SCARA5: variants seen among roughly 807,000 people sequenced by gnomAD.
SCARA5 encodes the protein scavenger receptor class A member 5, also known as scavenger receptor class A, member 5 (putative).
SCARA5 carries 45 observed loss-of-function variants against 46.3 expected under a neutral mutation model. The observed-to-expected ratio is 0.97, with a 90% CI of 0.76 to 1.24. The LOEUF (loss-of-function observed/expected upper bound fraction) is 1.24. Among genes scored for constraint, SCARA5 ranks in the 50% most tolerant of loss-of-function variants. SCARA5 has a pLI of 0.00. For missense variants in SCARA5, 680 were observed against 689.0 expected (o/e 0.99, Z 0.15); for synonymous variants, 333 against 306.5 (o/e 1.09, Z -0.90).
At chr8:27,959,457 C>T (rs1159309036) in intron 3 of SCARA5, among the ~76,000 whole-genome samples, 1 of 152,134 alleles carries the variant, frequency 6.6e-6, no homozygotes, top group Non-Finnish European at 1.5e-5. Context: ...TGATGGTAGG[C>T]AGTGGGAGGA....
In SCARA5 at chr8:27,872,612, A is replaced by G. The variant is rs552654137; in HGVS notation, c.1352-542T>C. ...CCTCCTTGGATGTTGTTTCTTCTCC[A>G]GAGCCTCTTCCTGGCCTGGATAGCT... On this transcript the variant is annotated intron_variant, in intron 8 of 8. Coordinates refer to ENST00000354914, the MANE Select transcript of SCARA5 (RefSeq NM_173833.6). 2.6e-5 allele frequency among the ~76,000 whole-genome samples: 4 copies of G among 152,342 alleles called. No individual in the cohort carries two copies. In the East Asian group the frequency reaches 7.7e-4, roughly 29 times the overall value.
chr8:27,885,160 T>C (rs1297652722), intron 7 of SCARA5, among the ~76,000 whole-genome samples: 1 of 152,080 alleles, frequency 6.6e-6, no homozygotes, highest in Non-Finnish European at 1.5e-5. Flanking sequence ...AGGTACTGTC[T>C]TGGACAAGTG....
chr8:27,934,222 C>T (rs1004822468), intron 3 of SCARA5, among the ~76,000 whole-genome samples: 1 of 152,058 alleles, frequency 6.6e-6, no homozygotes, highest in African/African-American at 2.4e-5. Context: ...TGCAGAGGAC[C>T]AGCTGGGGAT....
chr8:27,966,314 A>C, intron 3 of SCARA5, 100 bp downstream of exon 3: 1 of 1,227,476 alleles, frequency 8.1e-7, no homozygotes. Flanking sequence ...CATGGTGACA[A>C]GGGCAGTGTT....
intron 3 of SCARA5, among the ~76,000 whole-genome samples, chr8:27,952,055 G>GTGGTCGT (rs6150520): frequency 6.6e-6 from 1 of 152,012 alleles, no homozygotes; most frequent in Non-Finnish European, 1.5e-5. Context: ...TTGGGTTGGG[G>GTGGTCGT]ACCAATATGA....
At chr8:27,881,100 G>A (rs562286164) in intron 7 of SCARA5, among the ~76,000 whole-genome samples, 89 of 152,336 alleles carry the variant, frequency 5.8e-4, no homozygotes, top group Non-Finnish European at 1.9e-4. Context: ...TGGTGGGAAT[G>A]TAAATTAGTT....
At chr8:27,910,300 C>T (rs2685353) in intron 4 of SCARA5, 84,985 of 152,400 alleles carry the variant, frequency 0.56, 24,343 homozygotes, top group Non-Finnish European at 0.63. Flanking sequence ...TAAATGCCTG[C>T]TGTTTCAGCA....
At chr8:27,943,613 C>T (rs1807985529) in intron 3 of SCARA5, among the ~76,000 whole-genome samples, 1 of 152,208 alleles carries the variant, frequency 6.6e-6, no homozygotes, top group Admixed American at 6.5e-5. Flanking sequence ...TGACCGACTT[C>T]AAGCTACCAA....
chr8:27,982,282 C>G (rs1056451831), intron 2 of SCARA5, among the ~76,000 whole-genome samples: 1 of 152,090 alleles, frequency 6.6e-6, no homozygotes, highest in Non-Finnish European at 1.5e-5. Flanking sequence ...CCAGTCCCCA[C>G]CCACTCCCAG....
chr8:27,985,944 A>G (rs1465893077), intron 2 of SCARA5, among the ~76,000 whole-genome samples: 1 of 152,240 alleles, frequency 6.6e-6, no homozygotes, highest in African/African-American at 2.4e-5. Context: ...GGGTTCAGAA[A>G]AAGGGAGAGT....
chr8:27,986,954 C>T (rs1808714284), intron 2 of SCARA5, among the ~76,000 whole-genome samples: 1 of 152,234 alleles, frequency 6.6e-6, no homozygotes, highest in Non-Finnish European at 1.5e-5. Flanking sequence ...AAGGAAGCTG[C>T]ATCACTTGGA....
Position 27,930,954 on chromosome 8 carries a change from G to A in SCARA5, c.242-8709C>T, listed in dbSNP as rs564474536. On this transcript the variant is annotated intron_variant, in intron 3 of 8. Transcript: ENST00000354914. ...AGTGTCAGAAGGGATGGGACGGAACGCCACTGCACAGCAAGCATATCAATA... is the reference window on the plus strand; with the variant it reads ...AGTGTCAGAAGGGATGGGACGGAACACCACTGCACAGCAAGCATATCAATA... Among the ~76,000 whole-genome samples the A allele has an allele frequency of 1.4e-4, 21 of 152,294 alleles. No individual in the cohort carries two copies. The East Asian group carries it at 2.1e-3, about 15-fold the overall frequency.
chr8:27,952,051 T>A (rs1278373776), intron 3 of SCARA5, among the ~76,000 whole-genome samples: 4 of 5,762 alleles, frequency 6.9e-4, no homozygotes, highest in African/African-American at 1.3e-3. Context: ...TGTATTGGGT[T>A]GGGGACCAAT....
intron 3 of SCARA5, among the ~76,000 whole-genome samples, chr8:27,965,205 C>T (rs1358923517): frequency 6.6e-6 from 1 of 152,354 alleles, no homozygotes; most frequent in East Asian, 1.9e-4. Flanking sequence ...CACCCCATTA[C>T]ATCACCCAAC....
At chr8:27,974,878 ATGT>A (rs1345547046) in intron 2 of SCARA5, among the ~76,000 whole-genome samples, 1 of 151,844 alleles carries the variant, frequency 6.6e-6, no homozygotes, top group African/African-American at 2.4e-5. Context: ...AACAACTGTG[ATGT>A]TGTGAAGTCT....
chr8:27,891,706 A>C (rs888932468), intron 7 of SCARA5, among the ~76,000 whole-genome samples: 2 of 152,208 alleles, frequency 1.3e-5, no homozygotes, highest in Non-Finnish European at 2.9e-5. Flanking sequence ...GATGGGTTTT[A>C]CATGAACTAG....
At chr8:27,872,338 A>G (rs1039684275) in intron 8 of SCARA5, among the ~76,000 whole-genome samples, 1 of 152,200 alleles carries the variant, frequency 6.6e-6, no homozygotes, top group African/African-American at 2.4e-5. Context: ...TCTCCTTTTT[A>G]GTGGCAGCGT....
intron 4 of SCARA5, among the ~76,000 whole-genome samples, chr8:27,915,319 G>A (rs980385295): frequency 5.3e-5 from 8 of 152,118 alleles, no homozygotes; most frequent in East Asian, 1.9e-4. Context: ...ACCGTCCTCC[G>A]AGCCCCCAAT....
At chr8:27,943,299 C>A (rs1807980865) in intron 3 of SCARA5, among the ~76,000 whole-genome samples, 1 of 152,104 alleles carries the variant, frequency 6.6e-6, no homozygotes, top group East Asian at 1.9e-4. Flanking sequence ...TTTTACAAAC[C>A]AGGCATGGTG....
Sources: gnomAD v4.1 joint callset for allele counts (sites outside exome capture counted in the v4.1 genomes callset) on GRCh38, gnomAD v4.1.1 for gene constraint, MANE v1.5 for transcripts, NCBI Gene and HGNC (gene_info 2026-07-23, HGNC 2026-07-21) for gene names.